The following MGAT5 variants were observed in gnomAD, a reference collection of about 807,000 sequenced individuals.
MGAT5 encodes alpha-1,6-mannosylglycoprotein 6-beta-N-acetylglucosaminyltransferase A.
A neutral mutation model predicts 94.3 loss-of-function variants in MGAT5; 30 were observed. That is an observed-to-expected ratio of 0.32 (90% CI 0.24 to 0.43). The LOEUF is 0.43. Among genes scored for constraint, MGAT5 ranks in the 20% least tolerant of loss-of-function variants. The pLI is 1.00. For missense variants in MGAT5, 691 were observed against 905.5 expected (o/e 0.76, Z 3.04); for synonymous variants, 310 against 322.9 (o/e 0.96, Z 0.43).
intron 2 of MGAT5, among the ~76,000 whole-genome samples, chr2:134,311,549 C>A (rs917547159): frequency 1.3e-5 from 2 of 152,044 alleles, no homozygotes; most frequent in Admixed American, 6.5e-5. Context: ...CTCTCTCTTG[C>A]ATCCACTCTC....
intron 1 of MGAT5, among the ~76,000 whole-genome samples, chr2:134,207,772 C>G (rs1396303503): frequency 1.3e-5 from 2 of 152,072 alleles, no homozygotes; most frequent in African/African-American, 4.8e-5. Flanking sequence ...GTGCTCTTGC[C>G]ATCTACCGCC....
At chr2:134,441,312 A>G (rs1339028267) in intron 14 of MGAT5, among the ~76,000 whole-genome samples, 1 of 152,152 alleles carries the variant, frequency 6.6e-6, no homozygotes, top group Non-Finnish European at 1.5e-5. Flanking sequence ...CTGCCAAGAT[A>G]GGGTAGACAC....
At chr2:134,226,956 C>A (rs1378002544) in intron 1 of MGAT5, among the ~76,000 whole-genome samples, 1 of 139,944 alleles carries the variant, frequency 7.1e-6, no homozygotes, top group Non-Finnish European at 1.5e-5. Context: ...TTCTGTGGTA[C>A]CAGATAGTCC....
At chr2:134,447,737 T>C (rs1204776342) in intron 15 of MGAT5, among the ~76,000 whole-genome samples, 2 of 152,170 alleles carry the variant, frequency 1.3e-5, no homozygotes, top group African/African-American at 4.8e-5. Flanking sequence ...AGGCCAAAAC[T>C]GTTGGGAATG....
intron 10 of MGAT5, among the ~76,000 whole-genome samples, chr2:134,371,663 T>C (rs1033276483): frequency 1.3e-5 from 2 of 152,184 alleles, no homozygotes; most frequent in Non-Finnish European, 2.9e-5. Flanking sequence ...TTGGAGCCTG[T>C]CAGCTCCCTG....
At chr2:134,414,136 C>A (rs924364066) in intron 12 of MGAT5, among the ~76,000 whole-genome samples, 1 of 149,926 alleles carries the variant, frequency 6.7e-6, no homozygotes. Context: ...AAGGGTTGTG[C>A]ACACACTTGT....
chr2:134,249,591 A>G (rs1175010278), upstream of MGAT5, among the ~76,000 whole-genome samples: 3 of 152,186 alleles, frequency 2.0e-5, no homozygotes, highest in African/African-American at 4.8e-5. Context: ...ATTCCTTTTT[A>G]TAGCCAGATA....
intron 10 of MGAT5, among the ~76,000 whole-genome samples, chr2:134,389,633 G>A (rs944847170): frequency 3.3e-5 from 5 of 152,196 alleles, no homozygotes; most frequent in African/African-American, 1.2e-4. Flanking sequence ...GTGGATAACT[G>A]AGTTAATGGT....
At chr2:134,243,193 T>C (rs973286465) in intron 1 of MGAT5, among the ~76,000 whole-genome samples, 4 of 152,052 alleles carry the variant, frequency 2.6e-5, no homozygotes, top group Non-Finnish European at 5.9e-5. Flanking sequence ...AAAATAAAAA[T>C]ACCTCTGCTT....
chr2:134,439,870 A>G (rs1302976969), intron 14 of MGAT5, among the ~76,000 whole-genome samples: 1 of 152,202 alleles, frequency 6.6e-6, no homozygotes, highest in Non-Finnish European at 1.5e-5. Flanking sequence ...GGCATTCCAC[A>G]TGACAGACAA....
intron 14 of MGAT5, among the ~76,000 whole-genome samples, chr2:134,440,336 G>T (rs995488217): frequency 6.6e-6 from 1 of 152,212 alleles, no homozygotes; most frequent in Non-Finnish European, 1.5e-5. Flanking sequence ...GAAGAAAGTT[G>T]ATTCCTGGTC....
chr2:134,445,655 G>A (rs1461486758), intron 15 of MGAT5, among the ~76,000 whole-genome samples: 3 of 152,166 alleles, frequency 2.0e-5, no homozygotes, highest in Non-Finnish European at 2.9e-5. Context: ...TGTAAACTGA[G>A]ACCTGATGGG....
At chr2:134,234,836 A>C (rs891343608) in intron 1 of MGAT5, among the ~76,000 whole-genome samples, 7 of 152,230 alleles carry the variant, frequency 4.6e-5, no homozygotes, top group African/African-American at 1.7e-4. Flanking sequence ...ACCTGTCATG[A>C]GGTGGACTGA....
At chr2:134,212,587 C>T (rs1312212571) in intron 1 of MGAT5, among the ~76,000 whole-genome samples, 2 of 152,166 alleles carry the variant, frequency 1.3e-5, no homozygotes, top group Non-Finnish European at 2.9e-5. Flanking sequence ...AACATAACAA[C>T]ATAAAACCCC....
chr2:134,333,009 T>C (rs1044509877), intron 4 of MGAT5, among the ~76,000 whole-genome samples: 21 of 152,280 alleles, frequency 1.4e-4, no homozygotes, highest in African/African-American at 4.8e-4. Flanking sequence ...AGTTCAACCA[T>C]TGTGGAAGTC....
chr2:134,204,536 T>C (rs1679942551), intron 1 of MGAT5, among the ~76,000 whole-genome samples: 1 of 151,582 alleles, frequency 6.6e-6, no homozygotes, highest in Non-Finnish European at 1.5e-5. Flanking sequence ...AGCTGGCCAG[T>C]TGGTAGAGGG....
chr2:134,338,697 A>G (rs369753917), intron 6 of MGAT5, among the ~76,000 whole-genome samples: 2 of 152,068 alleles, frequency 1.3e-5, no homozygotes, highest in Non-Finnish European at 2.9e-5. Context: ...GTATCAGGAA[A>G]CTTTCCCCCA....
At chr2:134,338,234 C>T (rs369387208) in intron 5 of MGAT5, 25 bp from the exon 6 acceptor site, 56 of 1,553,864 alleles carry the variant, frequency 3.6e-5, no homozygotes, top group Non-Finnish European at 4.4e-6. Flanking sequence ...ATCTTCTATT[C>T]ATTTTATTAA....
chr2:134,249,020 G>A (rs1682439298), intron 1 of MGAT5, among the ~76,000 whole-genome samples: 1 of 151,854 alleles, frequency 6.6e-6, no homozygotes, highest in Non-Finnish European at 1.5e-5. Context: ...CTGTAAGGTT[G>A]ATCCAGAGGT....
Sources: allele counts gnomAD v4.1 joint callset (sites outside exome capture counted in the v4.1 genomes callset), GRCh38; gene constraint gnomAD v4.1.1; transcripts MANE v1.5; gene names NCBI Gene and HGNC (gene_info 2026-07-23, HGNC 2026-07-21).